GRM8: variants seen among roughly 807,000 people sequenced by gnomAD.
The protein encoded by GRM8 is metabotropic glutamate receptor 8.
GRM8 carries 47 observed loss-of-function variants against 87.2 expected under a neutral mutation model. That is an observed-to-expected ratio of 0.54 (90% CI 0.43 to 0.69). The LOEUF (loss-of-function observed/expected upper bound fraction) is 0.69, where lower values mean the gene tolerates loss of function less well. Ranked by LOEUF, GRM8 falls within the 30% of genes least tolerant of loss-of-function variation. GRM8 has a pLI of 0.00. For synonymous variants in GRM8, 396 were observed against 404.5 expected, an observed-to-expected ratio of 0.98 and a Z score of 0.25; for missense variants, 1,019 against 1,139.2, an observed-to-expected ratio of 0.89 and a Z score of 1.52.
At chr7:127,251,880 A>C (rs1211108639) in intron 1 of GRM8, among the ~76,000 whole-genome samples, 1 of 152,090 alleles carries the variant, frequency 6.6e-6, no homozygotes, top group African/African-American at 2.4e-5. Context: ...GCCACAAAAG[A>C]GGGGCACGGA....
At chr7:126,563,198 C>G (rs1413950316) in intron 8 of GRM8, among the ~76,000 whole-genome samples, 1 of 151,960 alleles carries the variant, frequency 6.6e-6, no homozygotes, top group East Asian at 1.9e-4. Context: ...CGGTGATTTA[C>G]GGCATCAACA....
intron 7 of GRM8, among the ~76,000 whole-genome samples, chr7:126,717,173 T>G (rs1435919266): frequency 1.3e-5 from 2 of 152,138 alleles, no homozygotes; most frequent in African/African-American, 4.8e-5. Flanking sequence ...ACAAATGTAT[T>G]ATGGTATAGT....
intron 6 of GRM8, among the ~76,000 whole-genome samples, chr7:126,868,561 G>C (rs1798808949): frequency 6.6e-6 from 1 of 152,204 alleles, no homozygotes; most frequent in African/African-American, 2.4e-5. Context: ...GACATTAATA[G>C]AAGACCAGTG....
intron 9 of GRM8, among the ~76,000 whole-genome samples, chr7:126,520,985 G>A (rs963540060): frequency 2.0e-5 from 3 of 152,124 alleles, no homozygotes; most frequent in Admixed American, 6.6e-5. Context: ...TTTTGTTGAA[G>A]AAAGGACAGC....
chr7:126,778,484 T>G (rs968445303), intron 6 of GRM8, among the ~76,000 whole-genome samples: 1 of 152,170 alleles, frequency 6.6e-6, no homozygotes, highest in African/African-American at 2.4e-5. Flanking sequence ...ACAACCAGTT[T>G]AAAAGAAAGA....
chr7:126,773,554 A>G (rs530050229), intron 6 of GRM8, among the ~76,000 whole-genome samples: 1 of 152,216 alleles, frequency 6.6e-6, no homozygotes, highest in Non-Finnish European at 1.5e-5. Flanking sequence ...ATATATTATC[A>G]TTTTATTTTA....
At chr7:126,494,880 T>C (rs369193903) in intron 9 of GRM8, among the ~76,000 whole-genome samples, 3 of 152,022 alleles carry the variant, frequency 2.0e-5, no homozygotes, top group African/African-American at 7.2e-5. Context: ...AACTGAACAT[T>C]GGAAAATACT....
chr7:126,602,751 C>T (rs1187085811), intron 8 of GRM8, among the ~76,000 whole-genome samples: 2 of 151,732 alleles, frequency 1.3e-5, no homozygotes, highest in Non-Finnish European at 2.9e-5. Context: ...TGATAGTTTA[C>T]CAACCAAAAA....
intron 7 of GRM8, among the ~76,000 whole-genome samples, chr7:126,730,938 T>C (rs1391344736): frequency 1.3e-5 from 2 of 152,138 alleles, no homozygotes; most frequent in African/African-American, 4.8e-5. Context: ...AACATCTCTT[T>C]TCTCGAATAT....
chr7:127,101,165 C>G (rs1825205539), intron 3 of GRM8, among the ~76,000 whole-genome samples: 1 of 152,132 alleles, frequency 6.6e-6, no homozygotes, highest in East Asian at 1.9e-4. Flanking sequence ...TACTAAATTC[C>G]ATAGACTTCA....
At chr7:126,724,711 TG>T (rs1451097090) in intron 7 of GRM8, among the ~76,000 whole-genome samples, 1 of 150,796 alleles carries the variant, frequency 6.6e-6, no homozygotes, top group African/African-American at 2.4e-5. Context: ...AATATGTGCC[TG>T]AAAAGGGACA....
intron 7 of GRM8, among the ~76,000 whole-genome samples, chr7:126,624,107 A>G (rs142702022): frequency 5.9e-5 from 9 of 152,336 alleles, no homozygotes; most frequent in Admixed American, 1.3e-4. Context: ...CACACTGAAC[A>G]ACAACAATCC....
chr7:126,998,076 T>C (rs1180157139), intron 3 of GRM8, among the ~76,000 whole-genome samples: 2 of 151,854 alleles, frequency 1.3e-5, no homozygotes, highest in Non-Finnish European at 2.9e-5. Context: ...AGATCATTCA[T>C]CATGACCAAG....
intron 2 of GRM8, among the ~76,000 whole-genome samples, chr7:127,169,049 T>C (rs1793627144): frequency 6.6e-6 from 1 of 150,444 alleles, no homozygotes; most frequent in East Asian, 1.9e-4. Flanking sequence ...TATTTATTTC[T>C]ATGTGGAATA....
chr7:126,755,921 A>C (rs1466885995), intron 7 of GRM8, among the ~76,000 whole-genome samples: 1 of 152,036 alleles, frequency 6.6e-6, no homozygotes, highest in African/African-American at 2.4e-5. Flanking sequence ...CAGCCAATAA[A>C]TCCTATGCAG....
intron 6 of GRM8, among the ~76,000 whole-genome samples, chr7:126,893,043 T>C (rs1331923476): frequency 6.6e-6 from 1 of 152,092 alleles, no homozygotes; most frequent in African/African-American, 2.4e-5. Context: ...AAATGAAACC[T>C]TTTTAAATGA....
intron 3 of GRM8, among the ~76,000 whole-genome samples, chr7:126,929,005 G>A (rs1805449688): frequency 6.6e-6 from 1 of 152,180 alleles, no homozygotes; most frequent in South Asian, 2.1e-4. Context: ...AGGCAAAGGT[G>A]TTGATGCATT....
chr7:127,062,497 T>C (rs888399130), intron 3 of GRM8, among the ~76,000 whole-genome samples: 1 of 152,094 alleles, frequency 6.6e-6, no homozygotes, highest in African/African-American at 2.4e-5. Flanking sequence ...TCAGGGGACA[T>C]GGGGGTGTAA....
At chr7:126,996,026 T>G in intron 3 of GRM8, among the ~76,000 whole-genome samples, 1 of 152,096 alleles carries the variant, frequency 6.6e-6, no homozygotes, top group East Asian at 1.9e-4. Context: ...GAAACCTTAC[T>G]GGCCAGAAGA....
Sources: gnomAD v4.1 joint callset for allele counts (sites outside exome capture counted in the v4.1 genomes callset) on GRCh38, gnomAD v4.1.1 for gene constraint, MANE v1.5 for transcripts, NCBI Gene and HGNC (gene_info 2026-07-23, HGNC 2026-07-21) for gene names.